Variants in SLC17A8 observed in about 807,000 individuals in gnomAD.
The protein encoded by SLC17A8 is vesicular glutamate transporter 3.
In SLC17A8, 31 loss-of-function variants were observed where a neutral mutation model predicts 58.0. That is an observed-to-expected ratio of 0.53 (90% CI 0.40 to 0.72). The LOEUF (loss-of-function observed/expected upper bound fraction) is 0.72. Ranked by LOEUF, SLC17A8 falls within the 30% of genes least tolerant of loss-of-function variation. SLC17A8 has a pLI of 0.00. For synonymous variants in SLC17A8, 228 were observed against 249.0 expected (o/e 0.92, Z 0.79); for missense variants, 655 against 727.8 (o/e 0.90, Z 1.15).
intron 2 of SLC17A8, among the ~76,000 whole-genome samples, chr12:100,382,074 G>T (rs1952641717): frequency 6.6e-6 from 1 of 152,202 alleles, no homozygotes; most frequent in Non-Finnish European, 1.5e-5. Context: ...CAAGTTCTCA[G>T]ATGCACAGGA....
chr12:100,364,964 A>C (rs1346123181), intron 1 of SLC17A8, among the ~76,000 whole-genome samples: 1 of 152,166 alleles, frequency 6.6e-6, no homozygotes, highest in East Asian at 1.9e-4. Flanking sequence ...TCTGGACCAA[A>C]CTAAGTTTTT....
chr12:100,402,450 G>T lies in SLC17A8; in HGVS notation c.874G>T (p.Gly292Ter), dbSNP rs925541919. ...GAAGACCTATATAGAGACAAGCATA[G>T]GAGAGGGGGCCAACGTGGTTAGTCT... is the stretch of plus-strand genomic sequence containing the variant. ...EEKTYIETSIGEGANVVSLSK... is the reference protein window; with the variant it reads ...EEKTYIETSI Residue 292 changes from glycine (G) to a stop codon, truncating the protein, a stop_gained, in exon 7 of 12, where the codon GGA (glycine) becomes TGA (stop). Coordinates refer to ENST00000323346, the MANE Select transcript of SLC17A8 (RefSeq NM_139319.3). LOFTEE classifies it high-confidence loss of function. The T allele has an allele frequency of 6.2e-7, 1 of 1,614,006 alleles. No homozygotes were observed. The highest frequency in any genetic ancestry group is 1.3e-5 in the African/African-American group (1 of 74,920).
intron 1 of SLC17A8, among the ~76,000 whole-genome samples, chr12:100,376,794 G>A (rs1462113182): frequency 1.3e-5 from 2 of 152,040 alleles, no homozygotes; most frequent in Non-Finnish European, 2.9e-5. Context: ...CAATATTAGA[G>A]CATCAGTTTT....
In SLC17A8 at chr12:100,391,037, C is replaced by CT; in HGVS notation, c.393dup (p.Ile132TyrfsTer26). ...TAACTGGGATCCAGAAACAGTGGGC[C>CT]TTATCCATGGATCTTTTTTCTGGGG... On this transcript the variant is annotated frameshift_variant, in exon 3 of 12. Transcript: ENST00000323346. LOFTEE classifies it high-confidence loss of function. 6.2e-7 allele frequency: 1 copy of CT among 1,613,824 alleles called. No homozygotes were observed. Among genetic ancestry groups the CT allele is most frequent in the Non-Finnish European group, 8.5e-7 (1 of 1,179,754 alleles).
chr12:100,377,101 C>T (rs762768588), intron 1 of SLC17A8, among the ~76,000 whole-genome samples: 20 of 152,078 alleles, frequency 1.3e-4, no homozygotes, highest in Admixed American at 7.9e-4. Context: ...TGAGCTACCA[C>T]GCCAGGCCTA....
chr12:100,400,081 G>A (rs908128292), intron 5 of SLC17A8, among the ~76,000 whole-genome samples: 1 of 152,126 alleles, frequency 6.6e-6, no homozygotes, highest in African/African-American at 2.4e-5. Flanking sequence ...TACTTAGCAT[G>A]GTACTAGGCA....
At position 100,381,568 on chromosome 12, in the gene SLC17A8, C is replaced by CAGAGAGAGAGAGAG. The variant is rs112159680; in HGVS notation, c.354+625_354+638dup. Among the ~76,000 whole-genome samples, 21 of 149,018 alleles carry CAGAGAGAGAGAGAG rather than the reference C, an allele frequency of 1.4e-4. No homozygotes were observed. The South Asian group carries it at 2.4e-3, about 17-fold the overall frequency. On this transcript the variant is annotated intron_variant, in intron 2 of 11. Coordinates refer to ENST00000323346, the MANE Select transcript of SLC17A8 (RefSeq NM_139319.3). ...ACTGTGAAGGACTGTAAGAAAGAGA[C>CAGAGAGAGAGAGAG]AGAGAGAGAGAGAGAGAGAGAGAAC...
At chr12:100,391,397 G>A (rs916716985) in intron 3 of SLC17A8, among the ~76,000 whole-genome samples, 2 of 64,998 alleles carry the variant, frequency 3.1e-5, no homozygotes, top group African/African-American at 1.3e-4. Context: ...CACCCCACTC[G>A]GCATTCAAGC....
intron 1 of SLC17A8, among the ~76,000 whole-genome samples, chr12:100,361,237 T>C (rs1952482080): frequency 6.6e-6 from 1 of 152,200 alleles, no homozygotes; most frequent in South Asian, 2.1e-4. Context: ...TTCAATGGCC[T>C]TCAAGGTCCT....
At chr12:100,396,876 G>T (rs2136000298) in intron 5 of SLC17A8, among the ~76,000 whole-genome samples, 1 of 152,276 alleles carries the variant, frequency 6.6e-6, no homozygotes, top group Admixed American at 6.5e-5. Flanking sequence ...GGTGGCTAGT[G>T]TTGGTTCTGC....
intron 9 of SLC17A8, among the ~76,000 whole-genome samples, chr12:100,408,344 T>C (rs1167048936): frequency 6.6e-6 from 1 of 152,240 alleles, no homozygotes; most frequent in East Asian, 1.9e-4. Context: ...CTGCCCCCTC[T>C]ATAGAACATG....
intron 5 of SLC17A8, among the ~76,000 whole-genome samples, chr12:100,399,884 T>G (rs2136002838): frequency 6.6e-6 from 1 of 152,304 alleles, no homozygotes; most frequent in African/African-American, 2.4e-5. Flanking sequence ...AATGATTAAA[T>G]AAGAGTAAGG....
Position 100,419,898 on chromosome 12 carries a change from T to C in SLC17A8, c.1509T>C (p.Ser503=). ...SGVIFYGVFA[S]GEKQEWADPE... ...TGATCTTCTATGGGGTCTTTGCTTC[T>C]GGGGAGAAACAGGAGTGGGCTGACC... The change falls in exon 12 of 12, where the codon TCT becomes TCC. Residue 503 remains serine (S), a synonymous_variant. Transcript: ENST00000323346. 6.2e-7 allele frequency: 1 copy of C among 1,614,110 alleles called. No homozygotes were observed. Among genetic ancestry groups the C allele is most frequent in the Non-Finnish European group, 8.5e-7 (1 of 1,180,044 alleles).
intron 11 of SLC17A8, 43 bp downstream of exon 11, chr12:100,418,199 C>G (rs1566406644): frequency 5.6e-6 from 9 of 1,599,260 alleles, no homozygotes; most frequent in Admixed American, 5.1e-5. Flanking sequence ...TATCAGAGGA[C>G]TGGAGCTCTA....
rs748076639 is a variant in SLC17A8, at chr12:100,401,787, A to C, written c.687A>C (p.Ala229=). 72 of 1,613,524 alleles carry C rather than the reference A, an allele frequency of 4.5e-5. No homozygotes were observed. The highest frequency in any genetic ancestry group is 5.8e-5 in the Non-Finnish European group (69 of 1,179,594). Residue 229 remains alanine, a synonymous_variant, in exon 6 of 12, where the codon GCA becomes GCC. Transcript: ENST00000323346. ...CTTTTCTTGTTCCAGGTTCCTATGC[A>C]GGGGCAGTGGTTGCCATGCCCCTGG... The part of the protein sequence containing the change: ...LATTSFCGSY[A]GAVVAMPLAG...
intron 5 of SLC17A8, among the ~76,000 whole-genome samples, chr12:100,400,254 A>T (rs1952782034): frequency 6.6e-6 from 1 of 152,054 alleles, no homozygotes; most frequent in African/African-American, 2.4e-5. Context: ...GCAGAATGAG[A>T]CCTGCAGCCC....
intron 1 of SLC17A8, among the ~76,000 whole-genome samples, chr12:100,359,711 T>C (rs900210107): frequency 6.6e-6 from 1 of 152,202 alleles, no homozygotes; most frequent in African/African-American, 2.4e-5. Context: ...TAGTGAGGAA[T>C]TATCAAGACC....
chr12:100,414,563 T>C (rs1952893033), intron 10 of SLC17A8, among the ~76,000 whole-genome samples: 1 of 152,018 alleles, frequency 6.6e-6, no homozygotes, highest in African/African-American at 2.4e-5. Flanking sequence ...TAAACTTAGA[T>C]AATTCATGTA....
chr12:100,401,216 C>G (rs1157172174), intron 5 of SLC17A8, among the ~76,000 whole-genome samples: 1 of 151,704 alleles, frequency 6.6e-6, no homozygotes, highest in African/African-American at 2.4e-5. Flanking sequence ...CCAGGCTGGT[C>G]TTGAACTCCT....
Sources: allele counts gnomAD v4.1 joint callset (sites outside exome capture counted in the v4.1 genomes callset), GRCh38; gene constraint gnomAD v4.1.1; transcripts MANE v1.5; gene names NCBI Gene and HGNC (gene_info 2026-07-23, HGNC 2026-07-21).